Variants in AGTPBP1 observed in about 807,000 individuals in gnomAD.
AGTPBP1 encodes cytosolic carboxypeptidase 1.
A neutral mutation model predicts 143.9 loss-of-function variants in AGTPBP1; 70 were observed. The observed-to-expected ratio is 0.49, with a 90% CI of 0.40 to 0.59. The LOEUF is 0.59. AGTPBP1 is among the 20% of genes least tolerant of loss of function. AGTPBP1 has a pLI of 0.00. For synonymous variants in AGTPBP1, 463 were observed against 500.2 expected (o/e 0.93, Z 0.99); for missense variants, 1,229 against 1,464.5 (o/e 0.84, Z 2.62).
chr9:85,793,781 G>T, the AGTPBP1 span, among the ~76,000 whole-genome samples: 47 of 152,210 alleles, frequency 3.1e-4, no homozygotes, highest in African/African-American at 1.1e-3. Flanking sequence ...TTCAAGACAT[G>T]GGCCAGTACT....
intron 3 of AGTPBP1, among the ~76,000 whole-genome samples, chr9:85,691,011 T>C (rs1835835322): frequency 6.6e-6 from 1 of 152,162 alleles, no homozygotes; most frequent in Non-Finnish European, 1.5e-5. Context: ...TCTGAAGGAT[T>C]CATTTTCTTT....
chr9:85,797,607 C>G, the AGTPBP1 span, among the ~76,000 whole-genome samples: 4 of 152,094 alleles, frequency 2.6e-5, no homozygotes, highest in African/African-American at 9.7e-5. Flanking sequence ...CTGGAACCTC[C>G]CTTCACCTTC....
At chr9:85,649,729 A>C (rs1048568874) in intron 11 of AGTPBP1, among the ~76,000 whole-genome samples, 1 of 152,020 alleles carries the variant, frequency 6.6e-6, no homozygotes, top group Admixed American at 6.6e-5. Flanking sequence ...TTCCTTAAAA[A>C]TTTTTCTACA....
At chr9:85,548,360 T>C (rs1361927678) in intron 25 of AGTPBP1, among the ~76,000 whole-genome samples, 1 of 152,208 alleles carries the variant, frequency 6.6e-6, no homozygotes, top group East Asian at 1.9e-4. Flanking sequence ...GCAAGACTCA[T>C]CCAGCAAGAG....
chr9:85,742,754 G>A (rs1824450262), upstream of AGTPBP1, among the ~76,000 whole-genome samples: 1 of 152,142 alleles, frequency 6.6e-6, no homozygotes, highest in Non-Finnish European at 1.5e-5. Flanking sequence ...CTTCTGTTTT[G>A]ACTGTACTTC....
At chr9:85,563,442 G>C (rs550847682) in intron 25 of AGTPBP1, among the ~76,000 whole-genome samples, 2 of 152,268 alleles carry the variant, frequency 1.3e-5, no homozygotes, top group South Asian at 4.1e-4. Context: ...ATTCTGATGA[G>C]GTCTCAGATG....
chr9:85,657,691 TG>T (rs1262745103), intron 9 of AGTPBP1, 48 bp from the exon 10 acceptor site: 2 of 1,401,934 alleles, frequency 1.4e-6, no homozygotes. Flanking sequence ...ATGACGAGAG[TG>T]AGTGGTAGAA....
At chr9:85,612,362 A>G (rs1830364426) in intron 17 of AGTPBP1, among the ~76,000 whole-genome samples, 1 of 152,134 alleles carries the variant, frequency 6.6e-6, no homozygotes, top group Non-Finnish European at 1.5e-5. Context: ...AAAAATCTCC[A>G]AAACACGGGA....
intron 14 of AGTPBP1, 76 bp from the exon 15 acceptor site, chr9:85,621,361 G>A (rs2133557026): frequency 1.6e-6 from 1 of 616,094 alleles, no homozygotes. Context: ...AATTTTGAAT[G>A]AAAAAAGTGC....
chr9:85,776,987 C>G, the AGTPBP1 span, among the ~76,000 whole-genome samples: 1 of 152,170 alleles, frequency 6.6e-6, no homozygotes, highest in Non-Finnish European at 1.5e-5. Context: ...TGTCCCAGTC[C>G]TGCAAAGTAT....
intron 1 of AGTPBP1, among the ~76,000 whole-genome samples, chr9:85,739,708 C>CAAA (rs547952850): frequency 3.7e-5 from 3 of 82,052 alleles, no homozygotes; most frequent in Non-Finnish European, 7.5e-5. Flanking sequence ...AACTCCGTCT[C>CAAA]AAAAAAAAAA....
the AGTPBP1 span, chr9:85,786,207 A>G: frequency 6.3e-7 from 1 of 1,594,434 alleles, no homozygotes; most frequent in South Asian, 1.1e-5. Context: ...GAAGAGAAAG[A>G]GAAATGGACA....
chr9:85,796,731 T>G, the AGTPBP1 span, among the ~76,000 whole-genome samples: 26 of 152,060 alleles, frequency 1.7e-4, no homozygotes, highest in Non-Finnish European at 3.2e-4. Flanking sequence ...ATGCCTGTAT[T>G]AGAACATCTC....
the AGTPBP1 span, among the ~76,000 whole-genome samples, chr9:85,801,924 T>C: frequency 6.6e-6 from 1 of 152,198 alleles, no homozygotes; most frequent in African/African-American, 2.4e-5. Flanking sequence ...TAATTCTTTG[T>C]GAGGGGTATG....
intron 25 of AGTPBP1, among the ~76,000 whole-genome samples, chr9:85,552,486 GCAAAA>G (rs1826092689): frequency 6.6e-6 from 1 of 152,124 alleles, no homozygotes; most frequent in Admixed American, 6.6e-5. Context: ...CATGATGAAA[GCAAAA>G]CACTGCCCAT....
intron 8 of AGTPBP1, among the ~76,000 whole-genome samples, chr9:85,661,710 T>C (rs1833867246): frequency 6.6e-6 from 1 of 152,120 alleles, no homozygotes; most frequent in Non-Finnish European, 1.5e-5. Flanking sequence ...ATACACATAA[T>C]ATCACCATGG....
At position 85,642,957 on chromosome 9, in the gene AGTPBP1, AAG is replaced by A; in HGVS notation, c.1186-16_1186-15del. The A allele has an allele frequency of 6.3e-7, 1 of 1,588,876 alleles. No individual in the cohort carries two copies. Among genetic ancestry groups the A allele is most frequent in the Non-Finnish European group, 8.6e-7 (1 of 1,160,540 alleles). On this transcript the variant is annotated splice_polypyrimidine_tract_variant and intron_variant, in intron 12 of 25. Transcript: ENST00000357081. ...AATATCATCATTCTGAAATGATAAAAAGAGTATGTTATCAGGTAAAACAAAAT... is the reference window on the plus strand; with the variant it reads ...AATATCATCATTCTGAAATGATAAAAAGTATGTTATCAGGTAAAACAAAAT...
At chr9:85,723,253 C>A (rs1838248745) in intron 1 of AGTPBP1, among the ~76,000 whole-genome samples, 1 of 152,236 alleles carries the variant, frequency 6.6e-6, no homozygotes, top group Non-Finnish European at 1.5e-5. Context: ...CTGTCTGCTG[C>A]CTTTTCTTCT....
intron 4 of AGTPBP1, among the ~76,000 whole-genome samples, chr9:85,679,639 A>G (rs1458687723): frequency 6.6e-6 from 1 of 152,054 alleles, no homozygotes; most frequent in Non-Finnish European, 1.5e-5. Flanking sequence ...CAATCTCCTG[A>G]CCTCGTGATC....
Sources: allele counts gnomAD v4.1 joint callset (sites outside exome capture counted in the v4.1 genomes callset), GRCh38; gene constraint gnomAD v4.1.1; transcripts MANE v1.5; gene names NCBI Gene and HGNC (gene_info 2026-07-23, HGNC 2026-07-21).